KCNIP4: variants seen among roughly 807,000 people sequenced by gnomAD.
KCNIP4 encodes the protein potassium voltage-gated channel interacting protein 4, also known as Kv channel-interacting protein 4.
A neutral mutation model predicts 34.0 loss-of-function variants in KCNIP4; 12 were observed. That is an observed-to-expected ratio of 0.35 (90% CI 0.23 to 0.57). KCNIP4 has a LOEUF of 0.57. Ranked by LOEUF, KCNIP4 falls within the 20% of genes least tolerant of loss-of-function variation. The probability of loss-of-function intolerance (pLI) is 0.83; values close to 1 mark genes in which losing one functional copy is unlikely to be tolerated. For synonymous variants in KCNIP4, 124 were observed against 102.2 expected, an observed-to-expected ratio of 1.21 and a Z score of -1.29; for missense variants, 238 against 311.7, an observed-to-expected ratio of 0.76 and a Z score of 1.78.
chr4:20,790,346 A>T, intron 3 of KCNIP4, among the ~76,000 whole-genome samples: 1 of 152,150 alleles, frequency 6.6e-6, no homozygotes, highest in Non-Finnish European at 1.5e-5. Context: ...ACTACTGTAG[A>T]ATTTATAAGT....
chr4:21,034,066 A>T (rs1328526630), intron 1 of KCNIP4, among the ~76,000 whole-genome samples: 3 of 152,184 alleles, frequency 2.0e-5, no homozygotes, highest in Non-Finnish European at 4.4e-5. Context: ...TATTTGCAAA[A>T]AGGGCTATAG....
At chr4:21,466,352 T>C (rs1729937505) in intron 1 of KCNIP4, among the ~76,000 whole-genome samples, 1 of 152,188 alleles carries the variant, frequency 6.6e-6, no homozygotes, top group African/African-American at 2.4e-5. Context: ...CTGACCAAGA[T>C]GGCCCCCTAA....
intron 1 of KCNIP4, among the ~76,000 whole-genome samples, chr4:21,626,694 C>G (rs754880846): frequency 6.6e-6 from 1 of 152,052 alleles, no homozygotes; most frequent in Non-Finnish European, 1.5e-5. Context: ...TGTAGACAAC[C>G]CTTCTTTGCC....
At chr4:21,371,786 T>C (rs2109441687) in intron 1 of KCNIP4, among the ~76,000 whole-genome samples, 1 of 147,344 alleles carries the variant, frequency 6.8e-6, no homozygotes, top group Admixed American at 6.6e-5. Flanking sequence ...ATCTAAATAT[T>C]GATCTCTAAT....
At position 21,888,080 on chromosome 4, in the gene KCNIP4, A is replaced by G. The variant is rs557384113; in HGVS notation, c.61+60491T>C. Among the ~76,000 whole-genome samples the G allele has an allele frequency of 2.0e-5, 3 of 152,232 alleles. No individual in the cohort carries two copies. The South Asian group carries it at 6.2e-4, about 32-fold the overall frequency. On this transcript the variant is annotated intron_variant, in intron 1 of 8. Transcript: ENST00000382152. Reference sequence around the variant, plus strand: ...ACAACAACTTTATGACTTATGTATTATTAGGTATGATTATTATCACCGCTT... The same window carrying G: ...ACAACAACTTTATGACTTATGTATTGTTAGGTATGATTATTATCACCGCTT...
intron 1 of KCNIP4, among the ~76,000 whole-genome samples, chr4:21,884,442 G>A (rs1442958821): frequency 2.6e-5 from 4 of 152,020 alleles, no homozygotes; most frequent in Non-Finnish European, 5.9e-5. Flanking sequence ...TTAGAGGCCT[G>A]GTCTCGGCAC....
chr4:21,665,140 G>C (rs1022141028), intron 1 of KCNIP4, among the ~76,000 whole-genome samples: 1 of 152,100 alleles, frequency 6.6e-6, no homozygotes, highest in Non-Finnish European at 1.5e-5. Flanking sequence ...TTATTTTTCA[G>C]AAAGAAATAA....
intron 1 of KCNIP4, among the ~76,000 whole-genome samples, chr4:21,924,997 CTT>C (rs1421328444): frequency 1.3e-5 from 2 of 152,144 alleles, no homozygotes; most frequent in Non-Finnish European, 2.9e-5. Flanking sequence ...CATCACCTCT[CTT>C]CTCTCTCCTC....
chr4:20,954,298 A>G (rs1733078741), intron 1 of KCNIP4, among the ~76,000 whole-genome samples: 1 of 152,174 alleles, frequency 6.6e-6, no homozygotes, highest in Admixed American at 6.5e-5. Flanking sequence ...GAGAGTTGGA[A>G]AGATTTCTTA....
chr4:21,617,389 GA>G (rs1269422104), intron 1 of KCNIP4, among the ~76,000 whole-genome samples: 1 of 152,068 alleles, frequency 6.6e-6, no homozygotes, highest in Non-Finnish European at 1.5e-5. Flanking sequence ...TGTCAAAGAG[GA>G]AAAACACCTC....
chr4:21,845,386 C>A (rs988251592), intron 1 of KCNIP4: 22 of 152,172 alleles, frequency 1.4e-4, no homozygotes, highest in Middle Eastern at 3.4e-3. Context: ...CAATATTATT[C>A]TTCTTGTAAC....
intron 1 of KCNIP4, among the ~76,000 whole-genome samples, chr4:21,056,876 C>A (rs560787787): frequency 1.3e-5 from 2 of 152,228 alleles, no homozygotes; most frequent in African/African-American, 4.8e-5. Context: ...AAAGTGGGTT[C>A]CTCATGATGG....
At chr4:21,225,399 C>T (rs537397432) in intron 1 of KCNIP4, among the ~76,000 whole-genome samples, 1 of 152,188 alleles carries the variant, frequency 6.6e-6, no homozygotes, top group African/African-American at 2.4e-5. Flanking sequence ...CTCTTTTATC[C>T]ACAGGGAGAA....
intron 1 of KCNIP4, among the ~76,000 whole-genome samples, chr4:21,239,687 G>A (rs1305891287): frequency 2.0e-5 from 3 of 152,112 alleles, no homozygotes. Flanking sequence ...CCATCTCACA[G>A]TAGTTAGAAG....
chr4:21,562,388 C>T (rs1169437663), intron 1 of KCNIP4, among the ~76,000 whole-genome samples: 1 of 151,934 alleles, frequency 6.6e-6, no homozygotes, highest in African/African-American at 2.4e-5. Flanking sequence ...TATTAAAGAG[C>T]CATTACCAAG....
chr4:21,719,432 G>C (rs1714623882), intron 1 of KCNIP4, among the ~76,000 whole-genome samples: 1 of 152,142 alleles, frequency 6.6e-6, no homozygotes, highest in South Asian at 2.1e-4. Flanking sequence ...CTGGGGTGAG[G>C]GTGTTGAGGA....
chr4:21,214,695 T>C (rs565140725), intron 1 of KCNIP4, among the ~76,000 whole-genome samples: 1 of 152,154 alleles, frequency 6.6e-6, no homozygotes, highest in Non-Finnish European at 1.5e-5. Flanking sequence ...CCTCTTAATA[T>C]AGAGAGAGGT....
At chr4:21,429,806 G>A (rs1024392122) in intron 1 of KCNIP4, among the ~76,000 whole-genome samples, 26 of 152,012 alleles carry the variant, frequency 1.7e-4, no homozygotes, top group South Asian at 1.0e-3. Context: ...TTTAAAACCC[G>A]TATCTTTAAT....
intron 1 of KCNIP4, among the ~76,000 whole-genome samples, chr4:20,886,584 C>T (rs1725341731): frequency 6.6e-6 from 1 of 152,204 alleles, no homozygotes; most frequent in African/African-American, 2.4e-5. Context: ...AGCTGGAATG[C>T]TGCAAGTTGT....
Sources: gnomAD v4.1 joint callset for allele counts (sites outside exome capture counted in the v4.1 genomes callset) on GRCh38, gnomAD v4.1.1 for gene constraint, MANE v1.5 for transcripts, NCBI Gene and HGNC (gene_info 2026-07-23, HGNC 2026-07-21) for gene names.